KCNH7: variants seen among roughly 807,000 people sequenced by gnomAD.
The protein encoded by KCNH7 is potassium voltage-gated channel subfamily H member 7, also known as voltage-gated inwardly rectifying potassium channel KCNH7.
Under a neutral mutation model 120.8 loss-of-function variants are expected in KCNH7, and 49 were observed. The observed-to-expected ratio is 0.41, with a 90% CI of 0.32 to 0.51. The LOEUF (loss-of-function observed/expected upper bound fraction) is 0.51. Among genes scored for constraint, KCNH7 ranks in the 20% least tolerant of loss-of-function variants. KCNH7 has a pLI of 0.38. For missense variants in KCNH7, 1,097 were observed against 1,446.6 expected (o/e 0.76, Z 3.92); for synonymous variants, 547 against 516.1 (o/e 1.06, Z -0.81).
chr2:162,500,278 A>G (rs944806749), intron 6 of KCNH7, among the ~76,000 whole-genome samples: 5 of 141,976 alleles, frequency 3.5e-5, no homozygotes, highest in Admixed American at 7.0e-5. Context: ...TATTCAGCAC[A>G]TATAATATAT....
intron 3 of KCNH7, among the ~76,000 whole-genome samples, chr2:162,522,381 T>C (rs760048678): frequency 7.2e-5 from 11 of 152,042 alleles, no homozygotes; most frequent in East Asian, 3.9e-4. Context: ...ATTCCTATAG[T>C]TTAGTCATAT....
chr2:162,812,469 G>C (rs907442971), intron 2 of KCNH7, among the ~76,000 whole-genome samples: 1 of 151,970 alleles, frequency 6.6e-6, no homozygotes, highest in African/African-American at 2.4e-5. Context: ...CAAACCCACA[G>C]GATGATAATT....
intron 2 of KCNH7, among the ~76,000 whole-genome samples, chr2:162,636,680 A>AT (rs1363775024): frequency 6.6e-6 from 1 of 152,080 alleles, no homozygotes; most frequent in African/African-American, 2.4e-5. Flanking sequence ...GCTTTTAGGT[A>AT]TTTTTTCACA....
At position 162,459,462 on chromosome 2, in the gene KCNH7, C is replaced by A. The variant is rs547989425; in HGVS notation, c.1129-13019G>T. ...CCTTGTCGAGAACTACAGTTCCCAG[C>A]CCCATTTGCAATCAGGTATGGCCAT... On this transcript the variant is annotated intron_variant, in intron 6 of 15. Coordinates refer to ENST00000332142, the MANE Select transcript of KCNH7 (RefSeq NM_033272.4). 7.2e-5 allele frequency among the ~76,000 whole-genome samples: 11 copies of A among 152,262 alleles called. 1 individual carries two copies. In the South Asian group the frequency reaches 2.3e-3, roughly 32 times the overall value.
chr2:162,398,676 A>C (rs996731336), intron 10 of KCNH7, among the ~76,000 whole-genome samples: 1 of 151,926 alleles, frequency 6.6e-6, no homozygotes, highest in Non-Finnish European at 1.5e-5. Flanking sequence ...GCAACACTCT[A>C]AAATTACTAC....
chr2:162,535,835 GA>G (rs1692085453), intron 3 of KCNH7, among the ~76,000 whole-genome samples: 2 of 151,742 alleles, frequency 1.3e-5, no homozygotes, highest in Admixed American at 1.3e-4. Flanking sequence ...CAACAGAACA[GA>G]ATAGAAAATC....
intron 2 of KCNH7, among the ~76,000 whole-genome samples, chr2:162,643,217 C>A (rs1319697258): frequency 1.3e-5 from 2 of 151,624 alleles, no homozygotes; most frequent in African/African-American, 4.8e-5. Flanking sequence ...TCAAGCAGGG[C>A]AGCAGACTGG....
At chr2:162,470,170 C>G (rs939476366) in intron 6 of KCNH7, among the ~76,000 whole-genome samples, 1 of 151,726 alleles carries the variant, frequency 6.6e-6, no homozygotes, top group Non-Finnish European at 1.5e-5. Context: ...GGCCGCCCAT[C>G]GTCTGGGATG....
intron 2 of KCNH7, among the ~76,000 whole-genome samples, chr2:162,572,713 AG>A (rs1383548001): frequency 7.1e-6 from 1 of 140,048 alleles, no homozygotes; most frequent in African/African-American, 2.8e-5. Flanking sequence ...AATACTATGC[AG>A]CCATAAAAAA....
chr2:162,446,004 T>G lies in KCNH7; in HGVS notation c.1554+14A>C. The stretch of plus-strand genomic sequence containing the variant: ...GCAATCTTTCAGAAAATAAGAATCT[T>G]AAGCAGTTCTTACCTCATCAGAACC... On this transcript the variant is annotated intron_variant, in intron 7 of 15. Transcript: ENST00000332142. The G allele has an allele frequency of 1.3e-6, 2 of 1,567,278 alleles. No individual in the cohort carries two copies. The highest frequency in any genetic ancestry group is 1.7e-6 in the Non-Finnish European group (2 of 1,154,930).
chr2:162,623,441 T>C (rs1472683841), intron 2 of KCNH7, among the ~76,000 whole-genome samples: 1 of 152,232 alleles, frequency 6.6e-6, no homozygotes, highest in Non-Finnish European at 1.5e-5. Flanking sequence ...CATTTTCTTA[T>C]AAAAGAATTT....
intron 2 of KCNH7, among the ~76,000 whole-genome samples, chr2:162,616,957 C>T (rs899210588): frequency 2.0e-5 from 3 of 152,074 alleles, no homozygotes; most frequent in African/African-American, 4.8e-5. Flanking sequence ...TGTGCATAAT[C>T]GTTCTCTCTC....
chr2:162,581,111 G>T (rs1693851497), intron 2 of KCNH7, among the ~76,000 whole-genome samples: 1 of 152,010 alleles, frequency 6.6e-6, no homozygotes, highest in South Asian at 2.1e-4. Flanking sequence ...GGTAATGGTG[G>T]CAGGCTTCAC....
Position 162,446,257 on chromosome 2 carries a change from G to A in KCNH7, c.1315C>T (p.Gln439Ter). The A allele has an allele frequency of 6.2e-7, 1 of 1,613,868 alleles. No individual in the cohort carries two copies. The highest frequency in any genetic ancestry group is 8.5e-7 in the Non-Finnish European group (1 of 1,179,830). Residue 439 changes from glutamine to a stop codon, truncating the protein, a stop_gained, in exon 7 of 16, where the codon CAG becomes TAG. Coordinates refer to ENST00000332142, the MANE Select transcript of KCNH7 (RefSeq NM_033272.4). LOFTEE classifies it high-confidence loss of function. ...AAFLLNDREEQKRRECGYSCS... is the reference protein window; with the variant it reads ...AAFLLNDREE ...GAATAGCCACATTCTCGTCTTTTCTGTTCTTCTCTGTCATTGAGGAGGAAG... is the reference window on the plus strand; with the variant it reads ...GAATAGCCACATTCTCGTCTTTTCTATTCTTCTCTGTCATTGAGGAGGAAG...
intron 6 of KCNH7, among the ~76,000 whole-genome samples, chr2:162,501,040 A>G (rs1038553662): frequency 1.2e-4 from 19 of 152,212 alleles, no homozygotes; most frequent in African/African-American, 4.6e-4. Flanking sequence ...TCCAGAGGCT[A>G]TGCCTGCAGG....
intron 3 of KCNH7, among the ~76,000 whole-genome samples, chr2:162,531,538 A>G (rs1691925800): frequency 6.6e-6 from 1 of 152,000 alleles, no homozygotes; most frequent in Admixed American, 6.6e-5. Context: ...ACTCTCAGGA[A>G]TCATTCATTA....
intron 12 of KCNH7, among the ~76,000 whole-genome samples, 169 bp downstream of exon 12, chr2:162,394,220 C>G (rs1321105054): frequency 6.6e-6 from 1 of 151,962 alleles, no homozygotes; most frequent in Non-Finnish European, 1.5e-5. Context: ...TGAGAGCTAT[C>G]AATCAGAAAC....
chr2:162,729,229 G>C (rs1028084280), intron 2 of KCNH7, among the ~76,000 whole-genome samples: 20 of 146,368 alleles, frequency 1.4e-4, no homozygotes, highest in African/African-American at 5.1e-4. Context: ...GCAGTGGCGC[G>C]ATCTCAGCTC....
intron 2 of KCNH7, among the ~76,000 whole-genome samples, chr2:162,606,802 T>C (rs1682788579): frequency 6.6e-6 from 1 of 152,172 alleles, no homozygotes; most frequent in Non-Finnish European, 1.5e-5. Flanking sequence ...TCAATAGTTC[T>C]AGAAATCTAT....
Sources: allele counts gnomAD v4.1 joint callset (sites outside exome capture counted in the v4.1 genomes callset), GRCh38; gene constraint gnomAD v4.1.1; transcripts MANE v1.5; gene names NCBI Gene and HGNC (gene_info 2026-07-23, HGNC 2026-07-21).